Variants in DOCK2 observed in about 807,000 individuals in gnomAD.
DOCK2 encodes the protein dedicator of cytokinesis protein 2.
In DOCK2, 87 loss-of-function variants were observed where a neutral mutation model predicts 248.9. That is an observed-to-expected ratio of 0.35 (90% CI 0.29 to 0.42). DOCK2 has a LOEUF of 0.42. DOCK2 is among the 10% of genes least tolerant of loss of function. The pLI is 1.00. For synonymous variants in DOCK2, 805 were observed against 821.6 expected, an observed-to-expected ratio of 0.98 and a Z score of 0.35; for missense variants, 1,747 against 2,300.2, an observed-to-expected ratio of 0.76 and a Z score of 4.92.
chr5:169,795,657 C>A (rs1303044691), intron 25 of DOCK2, among the ~76,000 whole-genome samples: 1 of 152,196 alleles, frequency 6.6e-6, no homozygotes, highest in Non-Finnish European at 1.5e-5. Flanking sequence ...GTTGTGAGAA[C>A]AAATTGCTAA....
rs1773136260 is a variant in DOCK2, at chr5:169,889,023, A to G, written c.2799+48171A>G. On this transcript the variant is annotated intron_variant, in intron 27 of 51. Transcript: ENST00000520908. Reference sequence around the variant, plus strand: ...GATCTGCTGACTTCTAGCCTCTTCAACTAGACTCTAAGCTCCTTGAGAGAC... The same window carrying G: ...GATCTGCTGACTTCTAGCCTCTTCAGCTAGACTCTAAGCTCCTTGAGAGAC... Among the ~76,000 whole-genome samples the G allele has an allele frequency of 2.0e-5, 3 of 152,184 alleles. No homozygotes were observed. The South Asian group carries it at 6.2e-4, about 31-fold the overall frequency.
intron 23 of DOCK2, among the ~76,000 whole-genome samples, chr5:169,758,064 T>A (rs1764286612): frequency 9.1e-6 from 1 of 109,928 alleles, no homozygotes; most frequent in Non-Finnish European, 1.6e-5. Flanking sequence ...ACAAACAGTA[T>A]TTTTTTTACC....
intron 27 of DOCK2, among the ~76,000 whole-genome samples, chr5:169,907,882 TACA>T (rs909437076): frequency 4.6e-5 from 7 of 152,224 alleles, no homozygotes; most frequent in East Asian, 3.8e-4. Flanking sequence ...CTAAACATCC[TACA>T]ACACACAGGA....
At chr5:169,919,409 A>G (rs1290960624) in intron 27 of DOCK2, among the ~76,000 whole-genome samples, 8 of 152,228 alleles carry the variant, frequency 5.3e-5, no homozygotes, top group Admixed American at 4.6e-4. Flanking sequence ...ATTCACACTC[A>G]TCAAATTTTA....
intron 26 of DOCK2, among the ~76,000 whole-genome samples, chr5:169,809,563 C>G (rs1219298637): frequency 2.0e-5 from 3 of 152,190 alleles, no homozygotes; most frequent in Non-Finnish European, 4.4e-5. Flanking sequence ...CCTGATATCC[C>G]AGCGCCAGTC....
chr5:169,701,869 C>T (rs1404758509), intron 13 of DOCK2, among the ~76,000 whole-genome samples: 1 of 152,162 alleles, frequency 6.6e-6, no homozygotes, highest in Non-Finnish European at 1.5e-5. Context: ...GCAGCTCCCT[C>T]CTAACCCTGT....
At chr5:169,892,219 C>T (rs1773338603) in intron 27 of DOCK2, among the ~76,000 whole-genome samples, 1 of 152,054 alleles carries the variant, frequency 6.6e-6, no homozygotes, top group African/African-American at 2.4e-5. Flanking sequence ...GGACTCAAAG[C>T]AAACCTAAAA....
intron 27 of DOCK2, among the ~76,000 whole-genome samples, chr5:169,844,692 C>T (rs561361909): frequency 1.1e-3 from 164 of 151,984 alleles, no homozygotes; most frequent in African/African-American, 3.9e-3. Context: ...TTTTCCTTTC[C>T]CCAATGATGA....
At chr5:169,837,322 C>T (rs889736980) in intron 26 of DOCK2, among the ~76,000 whole-genome samples, 2 of 152,210 alleles carry the variant, frequency 1.3e-5, no homozygotes, top group Non-Finnish European at 2.9e-5. Context: ...CTCCACTTGC[C>T]TGGCACTGGA....
chr5:169,678,850 G>T (rs1258720158), intron 6 of DOCK2, among the ~76,000 whole-genome samples: 3 of 152,102 alleles, frequency 2.0e-5, no homozygotes, highest in African/African-American at 4.8e-5. Context: ...GGAGGACATG[G>T]GGGTGGGAGT....
At chr5:169,905,550 C>T (rs1774227991) in intron 27 of DOCK2, among the ~76,000 whole-genome samples, 2 of 152,148 alleles carry the variant, frequency 1.3e-5, no homozygotes, top group Admixed American at 6.5e-5. Context: ...TTTAATGCCC[C>T]CACCTCTCTG....
At chr5:169,647,005 A>G (rs533679209) in intron 1 of DOCK2, among the ~76,000 whole-genome samples, 42 of 152,334 alleles carry the variant, frequency 2.8e-4, no homozygotes, top group African/African-American at 7.9e-4. Context: ...CAGTCCAGTC[A>G]TAACCTCTCT....
intron 27 of DOCK2, among the ~76,000 whole-genome samples, chr5:169,927,703 G>A (rs896624778): frequency 3.3e-5 from 5 of 152,214 alleles, no homozygotes; most frequent in African/African-American, 9.6e-5. Flanking sequence ...TGCAAGCTCC[G>A]CTTCCCGAGT....
At chr5:170,071,323 T>C (rs1205007274) in intron 46 of DOCK2, among the ~76,000 whole-genome samples, 1 of 152,244 alleles carries the variant, frequency 6.6e-6, no homozygotes, top group Non-Finnish European at 1.5e-5. Flanking sequence ...TGGAGCTTAA[T>C]TCTATGTTGG....
intron 27 of DOCK2, among the ~76,000 whole-genome samples, chr5:169,980,101 A>T (rs1438770289): frequency 6.6e-6 from 1 of 152,184 alleles, no homozygotes; most frequent in Non-Finnish European, 1.5e-5. Context: ...GGCAGCCTGC[A>T]GTTCTGACAA....
At chr5:169,752,741 G>A (rs1422444967) in intron 23 of DOCK2, among the ~76,000 whole-genome samples, 5 of 151,840 alleles carry the variant, frequency 3.3e-5, no homozygotes, top group Non-Finnish European at 7.4e-5. Flanking sequence ...TTCAGCTTGG[G>A]TGACAAAGCA....
chr5:169,821,762 A>G (rs1310069346), intron 26 of DOCK2, among the ~76,000 whole-genome samples: 1 of 152,248 alleles, frequency 6.6e-6, no homozygotes, highest in Non-Finnish European at 1.5e-5. Flanking sequence ...AAATTCACAC[A>G]TAACAATATT....
In DOCK2 at chr5:169,733,945, A is replaced by T. The variant is rs575019530; in HGVS notation, c.2268-13451A>T. 9.9e-5 allele frequency among the ~76,000 whole-genome samples: 15 copies of T among 152,282 alleles called. 1 individual carries two copies. Among genetic ancestry groups the T allele is most frequent in the Non-Finnish European group, 1.5e-4 (10 of 68,002 alleles). On this transcript the variant is annotated intron_variant, in intron 22 of 51. Coordinates refer to ENST00000520908, the MANE Select transcript of DOCK2 (RefSeq NM_004946.3). The stretch of plus-strand genomic sequence containing the variant: ...AATATTTAATACCAATTCCAAAAAA[A>T]CTATTATTCTTGCTTTTTTAAATAT...
At chr5:169,979,747 G>A (rs1009178208) in intron 27 of DOCK2, among the ~76,000 whole-genome samples, 3 of 152,154 alleles carry the variant, frequency 2.0e-5, no homozygotes, top group African/African-American at 4.8e-5. Context: ...GCACGCAACC[G>A]GGTTTTTCTA....
Sources: allele counts gnomAD v4.1 joint callset (sites outside exome capture counted in the v4.1 genomes callset), GRCh38; gene constraint gnomAD v4.1.1; transcripts MANE v1.5; gene names NCBI Gene and HGNC (gene_info 2026-07-23, HGNC 2026-07-21).